The following DMXL1 variants were observed in gnomAD, a reference collection of about 807,000 sequenced individuals.
DMXL1 encodes the protein Dmx like 1.
A neutral mutation model predicts 319.2 loss-of-function variants in DMXL1; 99 were observed. That is an observed-to-expected ratio of 0.31 (90% CI 0.26 to 0.37). The LOEUF is 0.37. Among genes scored for constraint, DMXL1 ranks in the 10% least tolerant of loss-of-function variants. The pLI is 1.00. For missense variants in DMXL1, 3,745 were observed against 3,595.6 expected, an observed-to-expected ratio of 1.04 and a Z score of -1.06; for synonymous variants, 1,385 against 1,235.2, an observed-to-expected ratio of 1.12 and a Z score of -2.54.
At chr5:119,085,503 A>G (rs1327107710) in intron 1 of DMXL1, among the ~76,000 whole-genome samples, 1 of 152,068 alleles carries the variant, frequency 6.6e-6, no homozygotes, top group African/African-American at 2.4e-5. Context: ...CCATTGATGT[A>G]TAGAAATGCT....
At chr5:119,235,064 C>T (rs1306310681) in intron 39 of DMXL1, among the ~76,000 whole-genome samples, 1 of 152,076 alleles carries the variant, frequency 6.6e-6, no homozygotes, top group African/African-American at 2.4e-5. Context: ...AATAGCACAG[C>T]CCCTAAGCAT....
intron 5 of DMXL1, among the ~76,000 whole-genome samples, chr5:119,112,958 T>TA (rs937109013): frequency 3.2e-4 from 49 of 151,446 alleles, no homozygotes; most frequent in African/African-American, 8.7e-4. Flanking sequence ...TCCATCTCAG[T>TA]AAAAAAAAGA....
chr5:119,193,626 TAATA>T (rs1360585567), intron 29 of DMXL1, among the ~76,000 whole-genome samples, 198 bp from the exon 30 acceptor site: 1 of 152,190 alleles, frequency 6.6e-6, no homozygotes, highest in Non-Finnish European at 1.5e-5. Flanking sequence ...AGTGGATACT[TAATA>T]AATTTTTGCT....
rs75259026 is a variant in DMXL1, at chr5:119,117,545, G to C, written c.743+1209G>C. On this transcript the variant is annotated intron_variant, in intron 7 of 43. Transcript: ENST00000539542. ...AGGATGGGGAAAGGAGGAGAAACAA[G>C]GGGTTGGGGAAGGAAAGGAAAAAGA... 4.5e-3 allele frequency among the ~76,000 whole-genome samples: 691 copies of C among 152,184 alleles called. 1 individual carries two copies. The highest frequency in any genetic ancestry group is 7.5e-3 in the Non-Finnish European group (509 of 68,014).
intron 9 of DMXL1, among the ~76,000 whole-genome samples, chr5:119,122,737 A>G (rs1402240163): frequency 3.3e-5 from 5 of 150,000 alleles, no homozygotes; most frequent in Admixed American, 1.3e-4. Flanking sequence ...CTCACTTCCT[A>G]GATGTGATGG....
chr5:119,178,800 T>C (rs928186400), intron 28 of DMXL1: 17 of 282,370 alleles, frequency 6.0e-5, no homozygotes, highest in African/African-American at 3.9e-4. Flanking sequence ...TATAGAAAAT[T>C]GAGAAGTTTC....
intron 9 of DMXL1, among the ~76,000 whole-genome samples, chr5:119,122,433 CG>C (rs1316710952): frequency 6.8e-6 from 1 of 146,638 alleles, no homozygotes; most frequent in Non-Finnish European, 1.5e-5. Flanking sequence ...GCTGGCCGGG[CG>C]GGGGGCTAAC....
chr5:119,225,369 A>C (rs187696991), intron 38 of DMXL1, among the ~76,000 whole-genome samples: 1 of 152,154 alleles, frequency 6.6e-6, no homozygotes, highest in African/African-American at 2.4e-5. Context: ...CCAAGAACTT[A>C]ATTAATGGGG....
chr5:119,193,089 C>T (rs1778978509), intron 29 of DMXL1, among the ~76,000 whole-genome samples: 1 of 152,106 alleles, frequency 6.6e-6, no homozygotes, highest in African/African-American at 2.4e-5. Context: ...TCCATTTCTA[C>T]CCTTGCCGTT....
intron 37 of DMXL1, among the ~76,000 whole-genome samples, chr5:119,221,362 TC>T (rs1235938134): frequency 6.6e-6 from 1 of 152,184 alleles, no homozygotes. Context: ...AGCAAGGTGT[TC>T]CCCATAGATC....
chr5:119,180,128 T>C (rs2150323629), intron 28 of DMXL1, among the ~76,000 whole-genome samples: 1 of 152,330 alleles, frequency 6.6e-6, no homozygotes, highest in Middle Eastern at 3.4e-3. Flanking sequence ...ATTGGTCTAT[T>C]TGGAATAGAA....
chr5:119,188,487 TA>T (rs953567320), intron 28 of DMXL1, among the ~76,000 whole-genome samples: 1 of 152,178 alleles, frequency 6.6e-6, no homozygotes, highest in Non-Finnish European at 1.5e-5. Flanking sequence ...TTTTGAAAGG[TA>T]AAAAAATATC....
At chr5:119,095,918 G>A (rs911182075) in intron 1 of DMXL1, among the ~76,000 whole-genome samples, 3 of 151,938 alleles carry the variant, frequency 2.0e-5, no homozygotes, top group Admixed American at 2.0e-4. Flanking sequence ...CTAATTTTTA[G>A]GTAAAATTCC....
At chr5:119,178,499 C>A (rs769258178) in intron 28 of DMXL1, 30 of 540,484 alleles carry the variant, frequency 5.6e-5, no homozygotes, top group Non-Finnish European at 6.6e-5. Context: ...CTGAAACTTT[C>A]ATTTGTTTTG....
At chr5:119,127,952 A>T in intron 9 of DMXL1, 1 of 384,478 alleles carries the variant, frequency 2.6e-6, no homozygotes. Flanking sequence ...GTTTAAGTCC[A>T]TGTCCTGAAG....
At chr5:119,172,038 G>A (rs73242969) in intron 25 of DMXL1, 69 bp downstream of exon 25, 14 of 1,385,428 alleles carry the variant, frequency 1.0e-5, no homozygotes, top group South Asian at 6.1e-5. Context: ...AAATATTAAG[G>A]CTTTTTTTTA....
chr5:119,157,878 G>A (rs1234774355), intron 19 of DMXL1, among the ~76,000 whole-genome samples: 5 of 152,274 alleles, frequency 3.3e-5, no homozygotes, highest in African/African-American at 1.2e-4. Flanking sequence ...TATTTTGATA[G>A]AGATTGCGTT....
At position 119,098,044 on chromosome 5, in the gene DMXL1, A is replaced by T; in HGVS notation, c.153A>T (p.Pro51=). 1 of 1,609,646 alleles carries T rather than the reference A, an allele frequency of 6.2e-7. No homozygotes were observed. Among genetic ancestry groups the T allele is most frequent in the Non-Finnish European group, 8.5e-7 (1 of 1,178,878 alleles). ...ATTTTGAAAGATTACAGATAATCCCAGGAGCTAAACATGGAAATATTCAAG... is the reference window on the plus strand; with the variant it reads ...ATTTTGAAAGATTACAGATAATCCCTGGAGCTAAACATGGAAATATTCAAG... ...GSDFERLQII[P]GAKHGNIQVG... The change falls in exon 2 of 44, where the codon CCA becomes CCT. Residue 51 remains proline (P), a synonymous_variant. Transcript: ENST00000539542.
At chr5:119,084,989 T>C (rs1286807061) in intron 1 of DMXL1, among the ~76,000 whole-genome samples, 1 of 152,128 alleles carries the variant, frequency 6.6e-6, no homozygotes, top group African/African-American at 2.4e-5. Context: ...ATTTCTTTCA[T>C]CAGAGTTTTA....
Sources: allele counts gnomAD v4.1 joint callset (sites outside exome capture counted in the v4.1 genomes callset), GRCh38; gene constraint gnomAD v4.1.1; transcripts MANE v1.5; gene names NCBI Gene and HGNC (gene_info 2026-07-23, HGNC 2026-07-21).